MYRIP: variants seen among roughly 807,000 people sequenced by gnomAD.
The protein encoded by MYRIP is rab effector MyRIP.
MYRIP carries 49 observed loss-of-function variants against 98.0 expected under a neutral mutation model. The observed-to-expected ratio is 0.50, with a 90% CI of 0.40 to 0.63. The LOEUF (loss-of-function observed/expected upper bound fraction) is 0.63, where lower values mean the gene tolerates loss of function less well. Ranked by LOEUF, MYRIP falls within the 30% of genes least tolerant of loss-of-function variation. The pLI is 0.00. For missense variants in MYRIP, 1,004 were observed against 1,058.2 expected, an observed-to-expected ratio of 0.95 and a Z score of 0.71; for synonymous variants, 404 against 409.5, an observed-to-expected ratio of 0.99 and a Z score of 0.16.
At chr3:40,110,657 C>T (rs1355310086) in intron 3 of MYRIP, among the ~76,000 whole-genome samples, 1 of 152,190 alleles carries the variant, frequency 6.6e-6, no homozygotes, top group Non-Finnish European at 1.5e-5. Flanking sequence ...CCTGTGTCCT[C>T]TGACCCCTTT....
intron 16 of MYRIP, among the ~76,000 whole-genome samples, chr3:40,256,493 T>C (rs1428434201): frequency 6.6e-6 from 1 of 151,954 alleles, no homozygotes; most frequent in African/African-American, 2.4e-5. Flanking sequence ...CCAGAAATTA[T>C]AGAAATGATC....
chr3:40,197,615 C>G (rs1951433738), intron 10 of MYRIP, among the ~76,000 whole-genome samples: 1 of 152,158 alleles, frequency 6.6e-6, no homozygotes, highest in Admixed American at 6.5e-5. Flanking sequence ...TCTTATCTCC[C>G]CATTTCACCT....
At chr3:40,073,303 C>G (rs1040971114) in intron 3 of MYRIP, among the ~76,000 whole-genome samples, 2 of 152,142 alleles carry the variant, frequency 1.3e-5, no homozygotes, top group African/African-American at 4.8e-5. Flanking sequence ...GAGTACACTC[C>G]AAGAGAAGAG....
At chr3:40,000,320 G>C (rs903862075) in intron 2 of MYRIP, among the ~76,000 whole-genome samples, 2 of 152,114 alleles carry the variant, frequency 1.3e-5, no homozygotes, top group Non-Finnish European at 2.9e-5. Flanking sequence ...TGTTCTAAGT[G>C]ACTCCAAGCA....
chr3:39,888,701 C>A (rs1266975945), intron 1 of MYRIP, among the ~76,000 whole-genome samples: 2 of 152,128 alleles, frequency 1.3e-5, no homozygotes, highest in East Asian at 1.9e-4. Flanking sequence ...AACTAAAGAA[C>A]TTCTGCACAG....
chr3:40,090,656 C>G (rs1948722440), intron 3 of MYRIP, among the ~76,000 whole-genome samples: 1 of 152,222 alleles, frequency 6.6e-6, no homozygotes, highest in Admixed American at 6.5e-5. Flanking sequence ...TCTAACAAAC[C>G]TCCTGGCTTA....
chr3:40,131,933 C>T (rs1559413722), intron 3 of MYRIP, among the ~76,000 whole-genome samples: 1 of 151,810 alleles, frequency 6.6e-6, no homozygotes, highest in African/African-American at 2.4e-5. Context: ...TGAGAAGGGC[C>T]CCTTCTGAAT....
At chr3:39,967,699 A>G (rs1348396462) in intron 2 of MYRIP, among the ~76,000 whole-genome samples, 1 of 152,156 alleles carries the variant, frequency 6.6e-6, no homozygotes. Flanking sequence ...CACTCCCACT[A>G]ACAGTGTATA....
intron 1 of MYRIP, among the ~76,000 whole-genome samples, chr3:39,874,946 A>T (rs1041078389): frequency 6.6e-6 from 1 of 152,164 alleles, no homozygotes; most frequent in African/African-American, 2.4e-5. Flanking sequence ...CTCAGGTAGA[A>T]TTCGGCTGTG....
chr3:40,108,260 A>C (rs1160316678), intron 3 of MYRIP, among the ~76,000 whole-genome samples: 1 of 152,120 alleles, frequency 6.6e-6, no homozygotes, highest in Non-Finnish European at 1.5e-5. Context: ...GTAGGACTAC[A>C]ACCAGCTTGT....
intron 1 of MYRIP, among the ~76,000 whole-genome samples, chr3:39,882,234 T>C (rs1943172860): frequency 1.3e-5 from 2 of 152,170 alleles, no homozygotes; most frequent in South Asian, 2.1e-4. Flanking sequence ...GGTTGGTGTT[T>C]TGCATGTTAA....
chr3:40,092,752 G>T (rs901617787), intron 3 of MYRIP, among the ~76,000 whole-genome samples: 1 of 152,152 alleles, frequency 6.6e-6, no homozygotes, highest in East Asian at 1.9e-4. Flanking sequence ...AGCAAATAAG[G>T]CACTGAGCTT....
At chr3:40,019,074 G>A (rs1419894978) in intron 2 of MYRIP, among the ~76,000 whole-genome samples, 2 of 152,158 alleles carry the variant, frequency 1.3e-5, no homozygotes, top group Non-Finnish European at 2.9e-5. Flanking sequence ...TCTCTCCTCT[G>A]ATCCTGCTAG....
chr3:40,183,606 T>G (rs377746446), intron 9 of MYRIP, among the ~76,000 whole-genome samples: 14 of 152,190 alleles, frequency 9.2e-5, no homozygotes, highest in African/African-American at 2.9e-4. Context: ...CTGGTCTACA[T>G]GAATGTCAGA....
At chr3:40,184,844 ACACACC>A (rs1459421227) in intron 9 of MYRIP, among the ~76,000 whole-genome samples, 1 of 152,194 alleles carries the variant, frequency 6.6e-6, no homozygotes, top group African/African-American at 2.4e-5. Context: ...CCACAGCATC[ACACACC>A]CAAAAAAAGA....
At chr3:39,884,651 A>G (rs1347342939) in intron 1 of MYRIP, among the ~76,000 whole-genome samples, 2 of 152,120 alleles carry the variant, frequency 1.3e-5, no homozygotes, top group African/African-American at 2.4e-5. Context: ...AAATGAAAAC[A>G]TACCATACCT....
At chr3:39,850,327 T>G (rs1045694856) in intron 1 of MYRIP, among the ~76,000 whole-genome samples, 1 of 152,212 alleles carries the variant, frequency 6.6e-6, no homozygotes, top group African/African-American at 2.4e-5. Context: ...CAGTGTCCAC[T>G]GGTGCTTTCC....
At chr3:40,157,143 G>T (rs1293972734) in intron 4 of MYRIP, among the ~76,000 whole-genome samples, 1 of 145,200 alleles carries the variant, frequency 6.9e-6, no homozygotes, top group African/African-American at 2.6e-5. Flanking sequence ...GTCATAGATA[G>T]CTCTTATTAT....
In MYRIP at chr3:40,172,236, T is replaced by C. The variant is rs555605602; in HGVS notation, c.873+2143T>C. Among the ~76,000 whole-genome samples, 27 of 152,276 alleles carry C rather than the reference T, an allele frequency of 1.8e-4. No homozygotes were observed. In the South Asian group the frequency reaches 3.3e-3, roughly 19 times the overall value. On this transcript the variant is annotated intron_variant, in intron 8 of 16. Coordinates refer to ENST00000302541, the MANE Select transcript of MYRIP (RefSeq NM_015460.4). ...TAACAACAACAAAAACACAGGGGTA[T>C]ATATTTCAGTAATTGGCATCAAGGG...
Sources: allele counts gnomAD v4.1 joint callset (sites outside exome capture counted in the v4.1 genomes callset), GRCh38; gene constraint gnomAD v4.1.1; transcripts MANE v1.5; gene names NCBI Gene and HGNC (gene_info 2026-07-23, HGNC 2026-07-21).